CYP2J2: variants seen among roughly 807,000 people sequenced by gnomAD.
CYP2J2 encodes cytochrome P450 family 2 subfamily J member 2, also known as cytochrome P450 2J2.
Under a neutral mutation model 48.8 loss-of-function variants are expected in CYP2J2, and 41 were observed. The ratio of observed to expected loss-of-function variants is 0.84; its 90% CI spans 0.66 to 1.09. The LOEUF (loss-of-function observed/expected upper bound fraction) is 1.09. Among genes scored for constraint, CYP2J2 ranks in the 50% least tolerant of loss-of-function variants. CYP2J2 has a pLI of 0.00. For missense variants in CYP2J2, 644 were observed against 617.3 expected (o/e 1.04, Z -0.46); for synonymous variants, 221 against 227.1 (o/e 0.97, Z 0.24).
the CYP2J2 span, among the ~76,000 whole-genome samples, chr1:59,943,369 G>T: frequency 1.3e-5 from 2 of 152,198 alleles, no homozygotes; most frequent in Non-Finnish European, 2.9e-5. Flanking sequence ...TAGCAGGAGG[G>T]CCTGGAAGTA....
At chr1:59,957,557 G>A in the CYP2J2 span, among the ~76,000 whole-genome samples, 1 of 152,088 alleles carries the variant, frequency 6.6e-6, no homozygotes, top group Non-Finnish European at 1.5e-5. Flanking sequence ...GTAAAGGCCT[G>A]TAGTGAAATC....
chr1:59,933,268 T>C, the CYP2J2 span, among the ~76,000 whole-genome samples: 5 of 152,130 alleles, frequency 3.3e-5, no homozygotes, highest in African/African-American at 1.2e-4. Flanking sequence ...AGCAGAATCA[T>C]ATAAAATGCT....
At chr1:59,922,268 G>A (rs1218098682) in intron 1 of CYP2J2, among the ~76,000 whole-genome samples, 4 of 152,222 alleles carry the variant, frequency 2.6e-5, no homozygotes, top group South Asian at 4.2e-4. Flanking sequence ...TTCACTGTTC[G>A]TTCTCAGTCA....
chr1:59,912,332 A>G (rs751297621), intron 2 of CYP2J2, 21 bp from the exon 3 acceptor site: 4 of 1,606,724 alleles, frequency 2.5e-6, no homozygotes, highest in Non-Finnish European at 3.4e-6. Context: ...GAAAGTCAAC[A>G]TTACAGTATT....
chr1:59,965,798 C>T, the CYP2J2 span, among the ~76,000 whole-genome samples: 1 of 152,002 alleles, frequency 6.6e-6, no homozygotes, highest in East Asian at 1.9e-4. Flanking sequence ...ATTACAGGCA[C>T]CCCCCACCGT....
Position 59,912,152 on chromosome 1 carries a change from C to T in CYP2J2, c.523+10G>A, listed in dbSNP as rs1253119580. On this transcript the variant is annotated intron_variant, in intron 3 of 8. Coordinates refer to ENST00000371204, the MANE Select transcript of CYP2J2 (RefSeq NM_000775.4). The stretch of plus-strand genomic sequence containing the variant: ...CACAGTCTCTCACCTCTGTCATATG[C>T]AATGCTCACCGTTCTCCTCTTTTAT... The T allele has an allele frequency of 1.2e-6, 2 of 1,609,574 alleles. No individual in the cohort carries two copies. Among genetic ancestry groups the T allele is most frequent in the East Asian group, 4.5e-5 (2 of 44,846 alleles).
the CYP2J2 span, among the ~76,000 whole-genome samples, chr1:59,945,276 C>A: frequency 6.6e-6 from 1 of 152,034 alleles, no homozygotes; most frequent in East Asian, 1.9e-4. Flanking sequence ...TGTTATGAGA[C>A]GAAGAGAGAG....
At chr1:59,938,292 G>A in the CYP2J2 span, among the ~76,000 whole-genome samples, 10 of 152,234 alleles carry the variant, frequency 6.6e-5, no homozygotes, top group Admixed American at 2.6e-4. Context: ...CTCAGCATGC[G>A]GAGGACCTGC....
rs766154927 is a variant in CYP2J2, at chr1:59,904,969, C to G, written c.1093G>C (p.Val365Leu). The change falls in exon 7 of 9, where the codon GTC becomes CTC. Residue 365 changes from valine to leucine, a missense_variant. Val to Leu is a conservative substitution (Grantham distance 32). Transcript: ENST00000371204. ...ARESMPYTNA[V>L]IHEVQRMGNI... Reference sequence around the variant, plus strand: ...CCCATTCTCTGCACCTCATGGATGACAGCATTGGTGTAGGGCATGGACTCC... The same window carrying G: ...CCCATTCTCTGCACCTCATGGATGAGAGCATTGGTGTAGGGCATGGACTCC... 7 of 1,613,838 alleles carry G rather than the reference C, an allele frequency of 4.3e-6. No homozygotes were observed. The highest frequency in any genetic ancestry group is 5.9e-6 in the Non-Finnish European group (7 of 1,179,902).
At chr1:59,955,815 AAAAGG>A in the CYP2J2 span, among the ~76,000 whole-genome samples, 1,285 of 152,290 alleles carry the variant, frequency 8.4e-3, 11 homozygotes, top group Middle Eastern at 0.014. Flanking sequence ...GCTTTAAAAG[AAAAGG>A]AAAGGCTGGG....
intron 8 of CYP2J2, among the ~76,000 whole-genome samples, chr1:59,897,051 C>T (rs761464037): frequency 1.4e-4 from 21 of 152,118 alleles, no homozygotes; most frequent in Non-Finnish European, 3.1e-4. Flanking sequence ...ATCATATATG[C>T]AAAAATGCTT....
At chr1:59,898,424 G>A (rs551083063) in intron 8 of CYP2J2, among the ~76,000 whole-genome samples, 1 of 152,314 alleles carries the variant, frequency 6.6e-6, no homozygotes, top group African/African-American at 2.4e-5. Flanking sequence ...TCAGCCATCA[G>A]CCTGTTGACC....
the CYP2J2 span, among the ~76,000 whole-genome samples, chr1:59,940,563 G>A: frequency 6.6e-6 from 1 of 152,128 alleles, no homozygotes; most frequent in Non-Finnish European, 1.5e-5. Flanking sequence ...ATTTCACAAA[G>A]AACTAAAAAT....
chr1:59,952,274 G>T, the CYP2J2 span, among the ~76,000 whole-genome samples: 1 of 151,916 alleles, frequency 6.6e-6, no homozygotes, highest in Admixed American at 6.6e-5. Flanking sequence ...TGTGTCACAG[G>T]GGTCAACCAG....
chr1:59,921,676 A>G (rs1644516822), intron 1 of CYP2J2, among the ~76,000 whole-genome samples: 2 of 151,864 alleles, frequency 1.3e-5, no homozygotes, highest in South Asian at 2.1e-4. Flanking sequence ...GGTTGCAAAC[A>G]ATCAGTAGAA....
chr1:59,907,756 T>C, intron 6 of CYP2J2, 30 bp downstream of exon 6: 1 of 1,613,322 alleles, frequency 6.2e-7, no homozygotes, highest in Non-Finnish European at 8.5e-7. Context: ...TATTCTGTCC[T>C]GGTTCAGGCT....
chr1:59,893,835 A>G lies in CYP2J2; in HGVS notation c.1331-6T>C. The G allele has an allele frequency of 2.5e-6, 4 of 1,595,058 alleles. No individual in the cohort carries two copies. The highest frequency in any genetic ancestry group is 3.4e-6 in the Non-Finnish European group (4 of 1,171,220). Reference sequence around the variant, plus strand: ...TCCGAGGCATGCCCGCTTTCCTGTAAGACAAAATCAAAAGACGGGTTATCT... The same window carrying G: ...TCCGAGGCATGCCCGCTTTCCTGTAGGACAAAATCAAAAGACGGGTTATCT... On this transcript the variant is annotated splice_region_variant and splice_polypyrimidine_tract_variant and intron_variant, in intron 8 of 8. Coordinates refer to ENST00000371204, the MANE Select transcript of CYP2J2 (RefSeq NM_000775.4).
intron 2 of CYP2J2, chr1:59,912,835 A>G (rs1644429571): frequency 6.5e-6 from 1 of 153,028 alleles, no homozygotes; most frequent in African/African-American, 2.4e-5. Flanking sequence ...GCTTTATAGG[A>G]GAGGTCCTAT....
intron 1 of CYP2J2, 47 bp downstream of exon 1, chr1:59,926,490 A>G: frequency 1.3e-6 from 2 of 1,533,228 alleles, no homozygotes; most frequent in South Asian, 2.2e-5. Flanking sequence ...TGTGCTGCAG[A>G]ACAGAGTTAG....
Sources: allele counts gnomAD v4.1 joint callset (sites outside exome capture counted in the v4.1 genomes callset), GRCh38; gene constraint gnomAD v4.1.1; transcripts MANE v1.5; gene names NCBI Gene and HGNC (gene_info 2026-07-23, HGNC 2026-07-21).